PTPN22: variants seen among roughly 807,000 people sequenced by gnomAD.
PTPN22 encodes tyrosine-protein phosphatase non-receptor type 22.
Under a neutral mutation model 103.3 loss-of-function variants are expected in PTPN22, and 85 were observed. The observed-to-expected ratio is 0.82, with a 90% CI of 0.69 to 0.99. The LOEUF (loss-of-function observed/expected upper bound fraction) is 0.99, where lower values mean the gene tolerates loss of function less well. Ranked by LOEUF, PTPN22 falls within the 50% of genes least tolerant of loss-of-function variation. PTPN22 has a pLI of 0.00. For missense variants in PTPN22, 865 were observed against 936.9 expected (o/e 0.92, Z 1.00); for synonymous variants, 323 against 310.2 (o/e 1.04, Z -0.43).
chr1:113,822,274 ACT>A (rs1301843945), intron 19 of PTPN22, among the ~76,000 whole-genome samples: 1 of 152,094 alleles, frequency 6.6e-6, no homozygotes, highest in Non-Finnish European at 1.5e-5. Context: ...CACTCTTGTC[ACT>A]CTATAATTCA....
intron 10 of PTPN22, among the ~76,000 whole-genome samples, chr1:113,851,212 G>A (rs1298213837): frequency 1.3e-5 from 2 of 151,216 alleles, no homozygotes; most frequent in Admixed American, 1.3e-4. Flanking sequence ...GAGTGCAGTC[G>A]TGTGATCTCG....
rs1227657382 is a variant in PTPN22 at position 113,854,650 on chromosome 1, A to C, written c.684-113T>G. 4.3e-6 allele frequency: 5 copies of C among 1,159,410 alleles called. No individual in the cohort carries two copies. In the African/African-American group the frequency reaches 7.7e-5, roughly 18 times the overall value. 71.8% of individuals were successfully genotyped at this position (1,159,410 alleles called of 1,614,324 possible). On this transcript the variant is annotated intron_variant, in intron 8 of 20. Coordinates refer to ENST00000359785, the Ensembl canonical transcript of PTPN22. ...TTTGAGGAAGAAGATACCTGGGGAC[A>C]ATTAAACTTTCCAAACCCCACCATT...
At chr1:113,827,909 A>G (rs1662227676) in intron 18 of PTPN22, among the ~76,000 whole-genome samples, 2 of 152,352 alleles carry the variant, frequency 1.3e-5, no homozygotes, top group South Asian at 4.1e-4. Context: ...CCTCCCTAAC[A>G]GAGAGTGTAA....
At chr1:113,857,964 T>C in intron 4 of PTPN22, 188 bp from the exon 5 acceptor site, 1 of 477,668 alleles carries the variant, frequency 2.1e-6, no homozygotes, top group Non-Finnish European at 3.7e-6. Flanking sequence ...CTGACAATAC[T>C]TCCCCTTTCT....
At chr1:113,836,690 G>A (rs1171217929) in intron 13 of PTPN22, among the ~76,000 whole-genome samples, 3 of 152,092 alleles carry the variant, frequency 2.0e-5, no homozygotes, top group African/African-American at 4.8e-5. Flanking sequence ...CACTTTGGGA[G>A]GCCAAGGTGG....
intron 11 of PTPN22, among the ~76,000 whole-genome samples, chr1:113,845,851 T>C (rs529112081): frequency 1.3e-5 from 2 of 152,368 alleles, no homozygotes; most frequent in African/African-American, 2.4e-5. Flanking sequence ...TATGTCTTAC[T>C]GGCAGATTGA....
chr1:113,853,954 C>T (rs2102081057), intron 9 of PTPN22, among the ~76,000 whole-genome samples: 1 of 150,672 alleles, frequency 6.6e-6, no homozygotes, highest in East Asian at 2.0e-4. Flanking sequence ...CAAGCTCCAC[C>T]TCCTCAGTTC....
chr1:113,833,203 C>CA (rs1469883516), intron 15 of PTPN22, 65 bp from the exon 16 acceptor site: 23 of 1,301,178 alleles, frequency 1.8e-5, no homozygotes, highest in South Asian at 1.2e-4. Context: ...AAACTCAAAG[C>CA]AAAAAATGGC....
intron 19 of PTPN22, among the ~76,000 whole-genome samples, chr1:113,821,187 A>C (rs1287614105): frequency 6.6e-6 from 1 of 152,198 alleles, no homozygotes; most frequent in African/African-American, 2.4e-5. Flanking sequence ...TCAGAAAGAA[A>C]ACAAAATTGT....
chr1:113,871,178 T>C (rs1666550404), intron 1 of PTPN22, among the ~76,000 whole-genome samples: 1 of 152,218 alleles, frequency 6.6e-6, no homozygotes, highest in Admixed American at 6.5e-5. Context: ...GTCTCTTTCT[T>C]CTTAATATTA....
intron 1 of PTPN22, among the ~76,000 whole-genome samples, chr1:113,864,673 G>C (rs1413079841): frequency 1.3e-5 from 2 of 151,002 alleles, no homozygotes; most frequent in African/African-American, 4.9e-5. Flanking sequence ...CACTTTGGGA[G>C]GCCAAGGTGG....
chr1:113,841,152 A>T (rs1430362587), intron 11 of PTPN22, among the ~76,000 whole-genome samples: 1 of 152,014 alleles, frequency 6.6e-6, no homozygotes, highest in Non-Finnish European at 1.5e-5. Context: ...TGAACCAGGG[A>T]GGTGGAGGTT....
chr1:113,817,759 T>C (rs935336443), intron 20 of PTPN22, among the ~76,000 whole-genome samples: 8 of 152,126 alleles, frequency 5.3e-5, no homozygotes, highest in African/African-American at 1.9e-4. Flanking sequence ...AGGAAAAATG[T>C]TCAAATCTAG....
intron 18 of PTPN22, among the ~76,000 whole-genome samples, chr1:113,826,095 C>G (rs910172413): frequency 6.6e-6 from 1 of 151,886 alleles, no homozygotes; most frequent in African/African-American, 2.4e-5. Context: ...CCTGTAATTC[C>G]AGCACTTTGG....
chr1:113,857,599 G>T, intron 5 of PTPN22, 139 bp downstream of exon 5: 2 of 680,116 alleles, frequency 2.9e-6, no homozygotes, highest in Non-Finnish European at 4.9e-6. Flanking sequence ...TGAGAATCAC[G>T]TGGCATTCCC....
At chr1:113,844,648 C>T (rs1663892393) in intron 11 of PTPN22, among the ~76,000 whole-genome samples, 1 of 152,168 alleles carries the variant, frequency 6.6e-6, no homozygotes, top group South Asian at 2.1e-4. Flanking sequence ...GCTTCTGTCT[C>T]ATAAATTTTG....
intron 11 of PTPN22, among the ~76,000 whole-genome samples, chr1:113,843,105 A>AAAAAAAAAAAAG (rs561878972): frequency 4.8e-5 from 7 of 145,710 alleles, no homozygotes; most frequent in African/African-American, 1.6e-4. Flanking sequence ...GTCTCAAAAA[A>AAAAAAAAAAAAG]AAAAAAAAAG....
chr1:113,829,765 G>A, intron 17 of PTPN22, 58 bp from the exon 18 acceptor site: 3 of 1,293,064 alleles, frequency 2.3e-6, no homozygotes, highest in Non-Finnish European at 2.2e-6. Flanking sequence ...AAGCCTTCAT[G>A]TTACATATAA....
At chr1:113,866,226 G>A (rs1272356137) in intron 1 of PTPN22, among the ~76,000 whole-genome samples, 1 of 152,038 alleles carries the variant, frequency 6.6e-6, no homozygotes, top group Non-Finnish European at 1.5e-5. Flanking sequence ...AAAACCAGAT[G>A]GACAGGCTGG....
Sources: allele counts gnomAD v4.1 joint callset (sites outside exome capture counted in the v4.1 genomes callset), GRCh38; gene constraint gnomAD v4.1.1; transcripts MANE v1.5; gene names NCBI Gene and HGNC (gene_info 2026-07-23, HGNC 2026-07-21).